Variants in MAMSTR observed in about 807,000 individuals in gnomAD.
The protein encoded by MAMSTR is MEF2 activating motif and SAP domain containing transcriptional regulator, also known as MEF2-activating motif and SAP domain-containing transcriptional regulator.
MAMSTR carries 41 observed loss-of-function variants against 42.7 expected under a neutral mutation model. The observed-to-expected ratio is 0.96, with a 90% CI of 0.75 to 1.25. The LOEUF is 1.25. Ranked by LOEUF, MAMSTR falls within the 50% of genes most tolerant of loss-of-function variation. MAMSTR has a pLI of 0.00. For missense variants in MAMSTR, 567 were observed against 557.6 expected, an observed-to-expected ratio of 1.02 and a Z score of -0.17; for synonymous variants, 265 against 244.1, an observed-to-expected ratio of 1.09 and a Z score of -0.80.
chr19:48,713,749 C>T lies in MAMSTR; in HGVS notation c.931G>A (p.Asp311Asn), dbSNP rs765183512. The T allele has an allele frequency of 6.2e-7, 1 of 1,614,214 alleles. No homozygotes were observed. Among genetic ancestry groups the T allele is most frequent in the East Asian group, 2.2e-5 (1 of 44,884 alleles). Residue 311 changes from aspartate (D) to asparagine (N), a missense_variant, in exon 9 of 10, where the codon GAT becomes AAT. Asp to Asn is a conservative substitution (Grantham distance 23, BLOSUM62 1). Coordinates refer to ENST00000318083, the MANE Select transcript of MAMSTR (RefSeq NM_001130915.2). Reference protein sequence around the residue: ...RAQLLPNRGIDDILEDQVEPD... With the variant: ...RAQLLPNRGINDILEDQVEPD... ...TCCACCTGATCCTCCAGGATGTCAT[C>T]GATGCCCCGGTTAGGAAGCAACTGC...
At position 48,719,474 on chromosome 19, in the gene MAMSTR, G is replaced by C. The variant is rs2033171097; in HGVS notation, c.-22+205C>G. 6.6e-6 allele frequency among the ~76,000 whole-genome samples: 1 copy of C among 152,148 alleles called. No individual in the cohort carries two copies. Among genetic ancestry groups the C allele is most frequent in the Admixed American group, 6.5e-5 (1 of 15,270 alleles). ...TAAGGGCTGGAACTCAATACTCTTA[G>C]GAGATGAGAATCCAAGATCCTGGGT... On this transcript the variant is annotated intron_variant, in intron 1 of 9. Coordinates refer to ENST00000318083, the MANE Select transcript of MAMSTR (RefSeq NM_001130915.2). The surrounding 1 kb of genome is among the most constrained non-coding windows in gnomAD (Gnocchi z 4.4).
chr19:48,711,296 T>C (rs937344202), downstream of MAMSTR, among the ~76,000 whole-genome samples: 3 of 152,188 alleles, frequency 2.0e-5, no homozygotes, highest in African/African-American at 4.8e-5. Context: ...CACAGAGGAA[T>C]AGTGCTGACA....
rs1601247825 is a variant in MAMSTR at position 48,714,036 on chromosome 19, T to G, written c.733A>C (p.Ser245Arg). The change falls in exon 8 of 10, where the codon AGC (serine) becomes CGC (arginine). Residue 245 changes from serine to arginine, a missense_variant. By Grantham distance (110) the Ser-to-Arg change is moderately radical. Transcript: ENST00000318083. The part of the protein sequence containing the change: ...AARRQGSVKP[S>R]AASHRPPLPR... ...AGAGGTGGCCTGTGAGATGCTGCGC[T>G]GGGCTTGACCTAGAGCAGCCAAGAG... is the stretch of plus-strand genomic sequence containing the variant. 1 of 1,593,226 alleles carries G rather than the reference T, an allele frequency of 6.3e-7. No homozygotes were observed. Among genetic ancestry groups the G allele is most frequent in the Non-Finnish European group, 8.5e-7 (1 of 1,170,080 alleles).
intron 3 of MAMSTR, among the ~76,000 whole-genome samples, chr19:48,716,202 T>C (rs660745): frequency 0.46 from 69,626 of 151,230 alleles, 16,986 homozygotes; most frequent in Middle Eastern, 0.6. Context: ...ATGGTGAAAC[T>C]CCGTCTCTAC....
chr19:48,717,854 G>A (rs1320235899), intron 2 of MAMSTR, among the ~76,000 whole-genome samples: 3 of 152,104 alleles, frequency 2.0e-5, no homozygotes, highest in African/African-American at 7.2e-5. Context: ...AGAGGTGCAC[G>A]CCGCCACACC....
rs961373014 is a variant in MAMSTR, at chr19:48,714,391, A to T, written c.698T>A (p.Leu233Gln). 2.2e-6 allele frequency: 3 copies of T among 1,374,348 alleles called. No homozygotes were observed. The highest frequency in any genetic ancestry group is 3.1e-5 in the African/African-American group (2 of 65,402). 85.1% of individuals were successfully genotyped at this position (1,374,348 alleles called of 1,614,324 possible). Residue 233 changes from leucine (L) to glutamine (Q), a missense_variant, in exon 7 of 10, where the codon CTG (leucine) becomes CAG (glutamine). Physicochemically the swap from Leu to Gln is moderately radical, Grantham distance 113. Coordinates refer to ENST00000318083, the MANE Select transcript of MAMSTR (RefSeq NM_001130915.2). ...CGAGCCCTGACGCCGGGCGGCTGCC[A>T]GGGCCTTGGGCTTGAGGCGCGGCCA... ...APWPRLKPKA[L>Q]AAARRQGSVK...
At chr19:48,716,665 G>C (rs1283797104) in intron 3 of MAMSTR, 40 bp downstream of exon 3, 9 of 1,331,386 alleles carry the variant, frequency 6.8e-6, no homozygotes, top group Admixed American at 3.7e-5. Context: ...AGTGGGGAGT[G>C]GGGGGTCACC....
the MAMSTR span, among the ~76,000 whole-genome samples, chr19:48,706,476 A>T: frequency 4.0e-5 from 6 of 151,810 alleles, no homozygotes. Flanking sequence ...TGTCTCTACT[A>T]AAAATACAAA....
intron 3 of MAMSTR, among the ~76,000 whole-genome samples, chr19:48,716,374 CA>C (rs35058019): frequency 0.022 from 1,410 of 64,902 alleles, 15 homozygotes; most frequent in African/African-American, 0.077. Flanking sequence ...GATTCCATCT[CA>C]AAAAAAAAAA....
Position 48,713,172 on chromosome 19 carries a change from C to T in MAMSTR, c.*95G>A. On this transcript the variant is annotated 3_prime_UTR_variant, in exon 10 of 10. Transcript: ENST00000318083. Reference sequence around the variant, plus strand: ...GAGGTTGTCTCCGATCCTGTGTCTGCGGTAGGAGGGGCTCTGCTGGTAGTT... The same window carrying T: ...GAGGTTGTCTCCGATCCTGTGTCTGTGGTAGGAGGGGCTCTGCTGGTAGTT... The T allele has an allele frequency of 9.1e-6, 11 of 1,215,356 alleles. No individual in the cohort carries two copies. In the South Asian group the frequency reaches 1.5e-4, roughly 16 times the overall value. The allele number at this position is 1,215,356 out of a possible 1,614,324, so 75.3% of individuals were successfully genotyped here.
At chr19:48,714,626 G>C in intron 6 of MAMSTR, 66 bp from the exon 7 acceptor site, 1 of 1,428,154 alleles carries the variant, frequency 7.0e-7, no homozygotes, top group Non-Finnish European at 9.3e-7. Flanking sequence ...GCAGGAGCTG[G>C]ACAGGATATT....
At chr19:48,710,957 G>A (rs1045043729), downstream of MAMSTR, among the ~76,000 whole-genome samples, 4 of 152,106 alleles carry the variant, frequency 2.6e-5, no homozygotes, top group Non-Finnish European at 5.9e-5. Context: ...ACTGCCCTTG[G>A]GCTGGAGGTT....
chr19:48,708,932 C>G (rs1276973503), downstream of MAMSTR, among the ~76,000 whole-genome samples: 3 of 152,036 alleles, frequency 2.0e-5, no homozygotes, highest in Admixed American at 1.3e-4. Flanking sequence ...AAGACAGAAC[C>G]AGGACAGAGT....
At position 48,712,767 on chromosome 19, in the gene MAMSTR, C is replaced by T. The variant is rs2032763414; in HGVS notation, c.*500G>A. The T allele has an allele frequency of 6.5e-6, 1 of 152,922 alleles. No homozygotes were observed. The allele number at this position is 152,922 out of a possible 1,614,324, so 9.5% of individuals were successfully genotyped here. A position where few individuals can be genotyped will look rare whatever the true frequency, so the allele number is the denominator to read the frequency against. Reference sequence around the variant, plus strand: ...TTTAATAAATGACTGGCATTTATATCTTGTCTCAGGCTCTGCTTCCAAGAG... The same window carrying T: ...TTTAATAAATGACTGGCATTTATATTTTGTCTCAGGCTCTGCTTCCAAGAG... On this transcript the variant is annotated 3_prime_UTR_variant, in exon 10 of 10. Transcript: ENST00000318083.
chr19:48,719,140 AG>A lies in MAMSTR; in HGVS notation c.-21-89del. ...GGCCGCCCCTGAGAGTGAATTCAGC[AG>A]GGAAAGGGCCCGAAGGAGGTGGGAA... On this transcript the variant is annotated intron_variant, in intron 1 of 9. Transcript: ENST00000318083. The surrounding 1 kb of genome is among the most constrained non-coding windows in gnomAD (Gnocchi z 4.4). 1.1e-6 allele frequency: 1 copy of A among 903,412 alleles called. No homozygotes were observed. The highest frequency in any genetic ancestry group is 1.8e-6 in the Non-Finnish European group (1 of 570,240). 56.0% of individuals were successfully genotyped at this position (903,412 alleles called of 1,614,324 possible). A position where few individuals can be genotyped will look rare whatever the true frequency, so the allele number is the denominator to read the frequency against.
rs911864993 is a variant in MAMSTR at position 48,715,663 on chromosome 19, C to T, written c.202G>A (p.Glu68Lys). ...CTCCAAGGAGGACAATATTCTGGCT[C>T]GGGGAGCAGGACCCCAGGGCTGAAG... is the stretch of plus-strand genomic sequence containing the variant. ...FLFSPGVLLPEPEYCPPWRSP... is the reference protein window; with the variant it reads ...FLFSPGVLLPKPEYCPPWRSP... Residue 68 changes from glutamate (E) to lysine (K), a missense_variant, in exon 4 of 10, where the codon GAG (glutamate) becomes AAG (lysine). Physicochemically the swap from Glu to Lys is moderately conservative, Grantham distance 56 (BLOSUM62 1). Transcript: ENST00000318083. 5.2e-6 allele frequency: 8 copies of T among 1,543,442 alleles called. No individual in the cohort carries two copies. In the African/African-American group the frequency reaches 6.9e-5, roughly 13 times the overall value.
chr19:48,715,836 G>A (rs2122330704), intron 3 of MAMSTR, 69 bp from the exon 4 acceptor site: 1 of 1,494,288 alleles, frequency 6.7e-7, no homozygotes, highest in Non-Finnish European at 8.8e-7. Context: ...GCAAGGCTGT[G>A]TGGAAAGCGG....
intron 2 of MAMSTR, among the ~76,000 whole-genome samples, chr19:48,718,377 C>CTT (rs1364607998): frequency 2.8e-5 from 4 of 143,674 alleles, no homozygotes; most frequent in African/African-American, 8.0e-5. Flanking sequence ...CACTTGCACA[C>CTT]TTCTTTTTTT....
downstream of MAMSTR, among the ~76,000 whole-genome samples, chr19:48,707,737 G>A (rs2032662790): frequency 7.0e-6 from 1 of 142,860 alleles, no homozygotes; most frequent in African/African-American, 2.6e-5. Context: ...CGAAACTCAA[G>A]AGAGAGAGAG....
Sources: allele counts gnomAD v4.1 joint callset (sites outside exome capture counted in the v4.1 genomes callset), GRCh38; gene constraint gnomAD v4.1.1; non-coding constraint Gnocchi (gnomAD v3.1); transcripts MANE v1.5; gene names NCBI Gene and HGNC (gene_info 2026-07-23, HGNC 2026-07-21).